Variants in MTREX observed in about 807,000 individuals in gnomAD.
MTREX encodes exosome RNA helicase MTR4.
MTREX carries 76 observed loss-of-function variants against 135.4 expected under a neutral mutation model. That is an observed-to-expected ratio of 0.56 (90% CI 0.47 to 0.68). The LOEUF is 0.68. MTREX is among the 30% of genes least tolerant of loss of function. MTREX has a pLI of 0.00. For missense variants in MTREX, 920 were observed against 1,262.1 expected (o/e 0.73, Z 4.11); for synonymous variants, 404 against 401.6 (o/e 1.01, Z -0.07).
chr5:55,310,330 G>A (rs186812970), intron 1 of MTREX, among the ~76,000 whole-genome samples: 1 of 152,308 alleles, frequency 6.6e-6, no homozygotes, highest in East Asian at 1.9e-4. Context: ...AAAAATCCTG[G>A]CCGGGCGTGG....
At position 55,331,262 on chromosome 5, in the gene MTREX, A is replaced by G. The variant is rs1054585679; in HGVS notation, c.515+2451A>G. ...ATACTTTTTTATTGCATGCCAAAAC[A>G]TTGTGAATTTTACCTTGTTCGGTGC... On this transcript the variant is annotated intron_variant, in intron 5 of 26. Coordinates refer to ENST00000230640, the MANE Select transcript of MTREX (RefSeq NM_015360.5). 9.2e-5 allele frequency among the ~76,000 whole-genome samples: 14 copies of G among 152,148 alleles called. 1 individual carries two copies. The highest frequency in any genetic ancestry group is 4.1e-4 in the South Asian group (2 of 4,836).
At chr5:55,325,772 A>G (rs1749368085) in intron 3 of MTREX, among the ~76,000 whole-genome samples, 1 of 151,484 alleles carries the variant, frequency 6.6e-6, no homozygotes. Flanking sequence ...ACCCTTTCCC[A>G]CTTCACTTCC....
At chr5:55,413,647 A>G (rs1377467748) in intron 23 of MTREX, among the ~76,000 whole-genome samples, 3 of 152,220 alleles carry the variant, frequency 2.0e-5, no homozygotes, top group Non-Finnish European at 4.4e-5. Context: ...GGAAAGCAAT[A>G]CTAAGAATAC....
intron 6 of MTREX, 76 bp downstream of exon 6, chr5:55,340,260 G>T: frequency 1.7e-6 from 2 of 1,169,936 alleles, no homozygotes; most frequent in Non-Finnish European, 1.2e-6. Context: ...AACCTGGGAA[G>T]TTTTATTGGT....
intron 25 of MTREX, among the ~76,000 whole-genome samples, chr5:55,421,393 T>C (rs1274604796): frequency 6.6e-6 from 1 of 152,236 alleles, no homozygotes; most frequent in African/African-American, 2.4e-5. Flanking sequence ...ACAACCACAG[T>C]CATTGTATAT....
chr5:55,376,307 C>T lies in MTREX; in HGVS notation c.1811-2007C>T, dbSNP rs1013617633. 3.3e-5 allele frequency among the ~76,000 whole-genome samples: 5 copies of T among 152,220 alleles called. No homozygotes were observed. In the East Asian group the frequency reaches 5.8e-4, roughly 18 times the overall value. On this transcript the variant is annotated intron_variant, in intron 16 of 26. Transcript: ENST00000230640. Reference sequence around the variant, plus strand: ...ATGCAGAAATCCAAAGTATTCCAATCGCACTGCATTTGCATGCGACGTTCA... The same window carrying T: ...ATGCAGAAATCCAAAGTATTCCAATTGCACTGCATTTGCATGCGACGTTCA...
intron 1 of MTREX, among the ~76,000 whole-genome samples, chr5:55,320,817 G>A (rs999282278): frequency 3.9e-5 from 6 of 152,112 alleles, no homozygotes; most frequent in African/African-American, 1.4e-4. Flanking sequence ...GTTTTGTTAC[G>A]GGATCAGAGG....
intron 24 of MTREX, 83 bp downstream of exon 24, chr5:55,414,321 T>C (rs1750933560): frequency 3.7e-6 from 4 of 1,089,148 alleles, no homozygotes; most frequent in Non-Finnish European, 5.1e-6. Flanking sequence ...AATCTAATCA[T>C]AGTAGTTTAT....
At chr5:55,349,014 A>C (rs1428945112) in intron 11 of MTREX, among the ~76,000 whole-genome samples, 1 of 152,130 alleles carries the variant, frequency 6.6e-6, no homozygotes, top group Non-Finnish European at 1.5e-5. Flanking sequence ...TATGTAAAGC[A>C]CCAGATGTGG....
At chr5:55,420,087 G>A (rs1017932825) in intron 25 of MTREX, among the ~76,000 whole-genome samples, 10 of 152,160 alleles carry the variant, frequency 6.6e-5, no homozygotes, top group African/African-American at 1.9e-4. Flanking sequence ...ACCCTAGTGG[G>A]AATCAGGCAC....
chr5:55,382,952 A>T (rs533171941), intron 18 of MTREX, among the ~76,000 whole-genome samples: 1 of 152,304 alleles, frequency 6.6e-6, no homozygotes, highest in East Asian at 1.9e-4. Flanking sequence ...TTACTTTTAA[A>T]GCTTATAGAA....
At chr5:55,327,411 G>T in intron 3 of MTREX, 1 of 246,088 alleles carries the variant, frequency 4.1e-6, no homozygotes, top group African/African-American at 2.2e-5. Context: ...CCACTGTGTT[G>T]TTATTCTTCT....
intron 23 of MTREX, among the ~76,000 whole-genome samples, chr5:55,412,288 TATA>T (rs1750895258): frequency 6.6e-6 from 1 of 152,222 alleles, no homozygotes. Flanking sequence ...ATTTGCTTGA[TATA>T]ATAACTTCTA....
intron 15 of MTREX, among the ~76,000 whole-genome samples, chr5:55,362,315 T>C (rs2112082218): frequency 6.6e-6 from 1 of 152,106 alleles, no homozygotes; most frequent in South Asian, 2.1e-4. Context: ...TGCTATTAGC[T>C]TAAACAGAAT....
Position 55,347,341 on chromosome 5 carries a change from G to T in MTREX, c.1240+197G>T, listed in dbSNP as rs1002473061. 2.0e-5 allele frequency among the ~76,000 whole-genome samples: 3 copies of T among 152,216 alleles called. 1 individual carries two copies. The South Asian group carries it at 6.2e-4, about 32-fold the overall frequency. ...TCCCTTTCTTCTCCTTTTATTGAAA[G>T]ATATGAGTACATTGTTCTATTTAAA... is the stretch of plus-strand genomic sequence containing the variant. On this transcript the variant is annotated intron_variant, in intron 11 of 26. Coordinates refer to ENST00000230640, the MANE Select transcript of MTREX (RefSeq NM_015360.5).
chr5:55,361,901 GTTGT>G (rs773440677), intron 15 of MTREX, among the ~76,000 whole-genome samples: 10 of 150,790 alleles, frequency 6.6e-5, no homozygotes, highest in South Asian at 2.1e-4. Flanking sequence ...CCTTGTTGTT[GTTGT>G]TTGTTTGTTT....
At chr5:55,366,612 C>A in intron 15 of MTREX, 113 bp from the exon 16 acceptor site, 6 of 731,422 alleles carry the variant, frequency 8.2e-6, no homozygotes, top group Middle Eastern at 4.4e-4. Context: ...AGAACTAATA[C>A]ATTTCTGTAG....
intron 15 of MTREX, among the ~76,000 whole-genome samples, chr5:55,363,243 A>G (rs1000981141): frequency 1.3e-5 from 2 of 152,146 alleles, no homozygotes; most frequent in Non-Finnish European, 2.9e-5. Flanking sequence ...ACATTTATTT[A>G]TTTCCTCATC....
chr5:55,348,723 AT>A (rs1162425148), intron 11 of MTREX, among the ~76,000 whole-genome samples: 1 of 152,152 alleles, frequency 6.6e-6, no homozygotes, highest in Non-Finnish European at 1.5e-5. Flanking sequence ...CTGCCCATAA[AT>A]GTTTTCTCTT....
Sources: gnomAD v4.1 joint callset for allele counts (sites outside exome capture counted in the v4.1 genomes callset) on GRCh38, gnomAD v4.1.1 for gene constraint, MANE v1.5 for transcripts, NCBI Gene and HGNC (gene_info 2026-07-23, HGNC 2026-07-21) for gene names.